The following COL25A1 variants were observed in gnomAD, a reference collection of about 807,000 sequenced individuals.
The protein encoded by COL25A1 is collagen alpha-1(XXV) chain.
A neutral mutation model predicts 128.4 loss-of-function variants in COL25A1; 103 were observed. That is an observed-to-expected ratio of 0.80 (90% CI 0.68 to 0.94). COL25A1 has a LOEUF of 0.94. COL25A1 is among the 40% of genes least tolerant of loss of function. The pLI is 0.00. For synonymous variants in COL25A1, 279 were observed against 277.2 expected (o/e 1.01, Z -0.06); for missense variants, 745 against 840.0 (o/e 0.89, Z 1.40).
intron 3 of COL25A1, among the ~76,000 whole-genome samples, chr4:109,244,825 T>C (rs376841310): frequency 3.3e-5 from 5 of 152,116 alleles, no homozygotes; most frequent in African/African-American, 1.2e-4. Context: ...AAAATTTGCT[T>C]CCCAGAAACT....
intron 3 of COL25A1, among the ~76,000 whole-genome samples, chr4:109,051,184 A>G (rs758907510): frequency 7.2e-5 from 11 of 152,152 alleles, no homozygotes; most frequent in Admixed American, 3.3e-4. Flanking sequence ...TGACTTCCAA[A>G]CTTTAGAAAG....
chr4:109,247,260 G>C (rs549251076), intron 3 of COL25A1, among the ~76,000 whole-genome samples: 2 of 152,206 alleles, frequency 1.3e-5, no homozygotes, highest in Admixed American at 1.3e-4. Flanking sequence ...TGAAGCAGGA[G>C]AATGGCTTGA....
chr4:108,990,212 CAAAAAAAAAAAAAAA>C (rs1171265414), intron 6 of COL25A1, among the ~76,000 whole-genome samples: 2 of 39,748 alleles, frequency 5.0e-5, no homozygotes, highest in East Asian at 9.2e-4. Context: ...AACTCCATCT[CAAAAAAAAAAAAAAA>C]AAAAAAAAAA....
rs1291923588 is a variant in COL25A1 at position 108,990,222 on chromosome 4, AAAAAAAAAAAAAAAAAAATATATATAT to A, written c.439-15690_439-15664del. On this transcript the variant is annotated intron_variant, in intron 6 of 37. Coordinates refer to ENST00000399132, the MANE Select transcript of COL25A1 (RefSeq NM_198721.4). ...AGCAAAACTCCATCTCAAAAAAAAAAAAAAAAAAAAAAAAAAAATATATATATATATATATATATATATATATATATC... is the reference window on the plus strand; with the variant it reads ...AGCAAAACTCCATCTCAAAAAAAAAAATATATATATATATATATATATATC... Among the ~76,000 whole-genome samples the A allele has an allele frequency of 3.7e-4, 24 of 65,322 alleles. 2 individuals are homozygous for A. Among genetic ancestry groups the A allele is most frequent in the African/African-American group, 1.3e-3 (23 of 17,608 alleles). The allele number at this position is 65,322 out of a possible 152,430, so 42.9% of individuals were successfully genotyped here. A position where few individuals can be genotyped will look rare whatever the true frequency, so the allele number is the denominator to read the frequency against.
At chr4:109,194,064 T>C (rs1392900859) in intron 3 of COL25A1, among the ~76,000 whole-genome samples, 1 of 152,204 alleles carries the variant, frequency 6.6e-6, no homozygotes, top group African/African-American at 2.4e-5. Flanking sequence ...AGCACTAACA[T>C]GAGCAAGCGA....
At chr4:109,002,595 A>G (rs1755553120) in intron 6 of COL25A1, among the ~76,000 whole-genome samples, 1 of 152,214 alleles carries the variant, frequency 6.6e-6, no homozygotes, top group African/African-American at 2.4e-5. Context: ...CAGTTACAAG[A>G]TGAACAAGTT....
chr4:109,235,342 C>T (rs1396814169), intron 3 of COL25A1, among the ~76,000 whole-genome samples: 1 of 152,046 alleles, frequency 6.6e-6, no homozygotes, highest in Non-Finnish European at 1.5e-5. Context: ...CTTTGAAAAC[C>T]TCCAATATAT....
chr4:109,291,365 T>C lies in COL25A1; in HGVS notation c.367+9218A>G, dbSNP rs17040280. ...AGAGACTTCTTCCTAGTACTACTTA[T>C]GTGCAATTCATGTATTCTCATTGTG... On this transcript the variant is annotated intron_variant, in intron 3 of 37. Coordinates refer to ENST00000399132, the MANE Select transcript of COL25A1 (RefSeq NM_198721.4). Among the ~76,000 whole-genome samples the C allele has an allele frequency of 6.0e-3, 908 of 152,268 alleles. 11 individuals are homozygous for C. Among genetic ancestry groups the C allele is most frequent in the African/African-American group, 0.021 (871 of 41,572 alleles).
At chr4:109,182,023 C>T (rs1028412951) in intron 3 of COL25A1, among the ~76,000 whole-genome samples, 4 of 152,002 alleles carry the variant, frequency 2.6e-5, no homozygotes, top group African/African-American at 4.8e-5. Context: ...CCACAAATGC[C>T]GAATTTCCTC....
At chr4:109,257,606 T>C (rs2126251849) in intron 3 of COL25A1, among the ~76,000 whole-genome samples, 1 of 152,318 alleles carries the variant, frequency 6.6e-6, no homozygotes, top group South Asian at 2.1e-4. Flanking sequence ...GCAACTCTAT[T>C]AGTTAGGCTG....
chr4:109,201,133 A>G (rs1345615995), intron 3 of COL25A1, among the ~76,000 whole-genome samples: 1 of 152,156 alleles, frequency 6.6e-6, no homozygotes, highest in South Asian at 2.1e-4. Flanking sequence ...CAGTTCCCAA[A>G]TCCTATCTCT....
chr4:109,084,523 G>A (rs923680512), intron 3 of COL25A1, among the ~76,000 whole-genome samples: 5 of 152,168 alleles, frequency 3.3e-5, no homozygotes, highest in Non-Finnish European at 7.4e-5. Context: ...ACTGAAGCAC[G>A]TTTATTTTCA....
At chr4:109,249,578 C>T (rs1053151434) in intron 3 of COL25A1, among the ~76,000 whole-genome samples, 3 of 151,248 alleles carry the variant, frequency 2.0e-5, no homozygotes, top group South Asian at 2.1e-4. Context: ...TCAATAAGAC[C>T]GAACATAGCA....
intron 5 of COL25A1, among the ~76,000 whole-genome samples, chr4:109,018,230 CT>C (rs1156815500): frequency 1.3e-5 from 2 of 151,940 alleles, no homozygotes; most frequent in Non-Finnish European, 1.5e-5. Flanking sequence ...CATCCTCTTT[CT>C]TTTTTATTTT....
At chr4:108,963,719 T>C (rs1438398983) in intron 8 of COL25A1, among the ~76,000 whole-genome samples, 1 of 151,976 alleles carries the variant, frequency 6.6e-6, no homozygotes, top group Non-Finnish European at 1.5e-5. Context: ...AAGGAAGTCT[T>C]TAAATTATGT....
chr4:109,027,497 A>AAG (rs1026013530), intron 5 of COL25A1, among the ~76,000 whole-genome samples: 1 of 152,106 alleles, frequency 6.6e-6, no homozygotes, highest in African/African-American at 2.4e-5. Flanking sequence ...ATGAAATAGA[A>AAG]AGCCATGGCG....
At position 108,909,037 on chromosome 4, in the gene COL25A1, C is replaced by T. The variant is rs189102826; in HGVS notation, c.781-7865G>A. Among the ~76,000 whole-genome samples, 23 of 152,296 alleles carry T rather than the reference C, an allele frequency of 1.5e-4. No individual in the cohort carries two copies. In the South Asian group the frequency reaches 4.4e-3, roughly 29 times the overall value. ...GCAAATCTTATGACCTCCGGAATAA[C>T]GGCTGGTAACATTTAGTATTCCAGC... On this transcript the variant is annotated intron_variant, in intron 13 of 37. Transcript: ENST00000399132.
chr4:109,300,715 G>A, intron 2 of COL25A1, 63 bp from the exon 3 acceptor site: 1 of 1,149,980 alleles, frequency 8.7e-7, no homozygotes, highest in Non-Finnish European at 1.3e-6. Flanking sequence ...GAGTCTTTAG[G>A]GACTCTGGCC....
chr4:109,096,046 C>T (rs4365797), intron 3 of COL25A1, among the ~76,000 whole-genome samples: 35,056 of 152,098 alleles, frequency 0.23, 5,205 homozygotes, highest in African/African-American at 0.4. Context: ...ATTGGAATGA[C>T]GGGTTAGACA....
Sources: gnomAD v4.1 joint callset for allele counts (sites outside exome capture counted in the v4.1 genomes callset) on GRCh38, gnomAD v4.1.1 for gene constraint, MANE v1.5 for transcripts, NCBI Gene and HGNC (gene_info 2026-07-23, HGNC 2026-07-21) for gene names.